DLG2: variants seen among roughly 807,000 people sequenced by gnomAD.
DLG2 encodes the protein disks large homolog 2.
Under a neutral mutation model 132.5 loss-of-function variants are expected in DLG2, and 45 were observed. That is an observed-to-expected ratio of 0.34 (90% CI 0.27 to 0.44). DLG2 has a LOEUF of 0.44. Ranked by LOEUF, DLG2 falls within the 20% of genes least tolerant of loss-of-function variation. The pLI is 1.00. For synonymous variants in DLG2, 424 were observed against 419.6 expected, an observed-to-expected ratio of 1.01 and a Z score of -0.13; for missense variants, 1,045 against 1,196.9, an observed-to-expected ratio of 0.87 and a Z score of 1.87.
chr11:83,940,207 A>C (rs2082335254), intron 14 of DLG2, among the ~76,000 whole-genome samples: 1 of 152,140 alleles, frequency 6.6e-6, no homozygotes, highest in Non-Finnish European at 1.5e-5. Flanking sequence ...CCACCCCTAA[A>C]CATTAGAAAG....
intron 6 of DLG2, among the ~76,000 whole-genome samples, chr11:84,795,909 G>A (rs1438894961): frequency 1.3e-5 from 2 of 152,142 alleles, no homozygotes; most frequent in Non-Finnish European, 2.9e-5. Flanking sequence ...CTGACACCTG[G>A]AGCTGCCCTC....
chr11:84,464,139 G>T (rs1010620854), intron 7 of DLG2, among the ~76,000 whole-genome samples: 3 of 151,192 alleles, frequency 2.0e-5, no homozygotes, highest in African/African-American at 4.8e-5. Context: ...TTACTGAGAA[G>T]CTACTATATA....
At chr11:84,151,775 T>C (rs928430705) in intron 9 of DLG2, among the ~76,000 whole-genome samples, 4 of 152,234 alleles carry the variant, frequency 2.6e-5, no homozygotes, top group African/African-American at 7.2e-5. Flanking sequence ...AAGAATTTTT[T>C]ATTTCTGCCT....
intron 6 of DLG2, among the ~76,000 whole-genome samples, chr11:85,110,971 G>C (rs1328144611): frequency 2.0e-5 from 3 of 152,052 alleles, no homozygotes; most frequent in Non-Finnish European, 4.4e-5. Flanking sequence ...ATTTCTATTA[G>C]GCAATCCATG....
intron 3 of DLG2, among the ~76,000 whole-genome samples, chr11:85,416,767 G>T (rs1436484905): frequency 6.6e-6 from 1 of 152,156 alleles, no homozygotes. Flanking sequence ...GTGTAGAAAT[G>T]CTTGTGATTT....
At chr11:84,089,813 T>C (rs1017417064) in intron 10 of DLG2, among the ~76,000 whole-genome samples, 3 of 152,190 alleles carry the variant, frequency 2.0e-5, no homozygotes, top group Non-Finnish European at 4.4e-5. Context: ...TGTCAGGAAA[T>C]TGGCAAGCAG....
At chr11:85,278,010 A>G (rs2077997078) in intron 4 of DLG2, among the ~76,000 whole-genome samples, 1 of 152,158 alleles carries the variant, frequency 6.6e-6, no homozygotes, top group Non-Finnish European at 1.5e-5. Flanking sequence ...TTTAAATGCT[A>G]TAGTATTGCA....
chr11:85,281,521 A>G (rs2078221746), intron 4 of DLG2, among the ~76,000 whole-genome samples: 1 of 152,060 alleles, frequency 6.6e-6, no homozygotes, highest in South Asian at 2.1e-4. Context: ...AATTTCTAAC[A>G]ACAGGATATT....
intron 7 of DLG2, among the ~76,000 whole-genome samples, chr11:84,255,020 G>C (rs1006427001): frequency 2.6e-5 from 4 of 152,116 alleles, no homozygotes; most frequent in Admixed American, 1.3e-4. Flanking sequence ...GCTACACCAG[G>C]CTCTCTGAAG....
chr11:84,821,507 G>C (rs1435765474), intron 6 of DLG2, among the ~76,000 whole-genome samples: 1 of 151,214 alleles, frequency 6.6e-6, no homozygotes, highest in Non-Finnish European at 1.5e-5. Context: ...TATTATTTTA[G>C]ATTGTTTTTC....
At chr11:84,310,032 G>C (rs1308665821) in intron 7 of DLG2, among the ~76,000 whole-genome samples, 2 of 152,130 alleles carry the variant, frequency 1.3e-5, no homozygotes, top group East Asian at 3.9e-4. Flanking sequence ...GCGATCTTCA[G>C]AGACCCAACT....
intron 6 of DLG2, among the ~76,000 whole-genome samples, chr11:84,802,976 T>C (rs1185243685): frequency 6.6e-6 from 1 of 152,088 alleles, no homozygotes; most frequent in Non-Finnish European, 1.5e-5. Flanking sequence ...ATTTTTTGTA[T>C]TTTTGGTAGA....
intron 18 of DLG2, among the ~76,000 whole-genome samples, chr11:83,648,444 G>A (rs529373462): frequency 1.2e-4 from 19 of 152,220 alleles, no homozygotes; most frequent in Non-Finnish European, 2.2e-4. Flanking sequence ...AGAAAGTGCA[G>A]GACAAAGGGT....
chr11:84,534,791 A>T (rs775075095), intron 6 of DLG2, 60 bp from the exon 7 acceptor site: 1 of 1,565,360 alleles, frequency 6.4e-7, no homozygotes, highest in Non-Finnish European at 8.8e-7. Flanking sequence ...AAGGATATAG[A>T]CTGAACTTCA....
intron 8 of DLG2, among the ~76,000 whole-genome samples, chr11:84,193,229 G>C (rs78937626): frequency 1.3e-5 from 2 of 152,154 alleles, no homozygotes; most frequent in Non-Finnish European, 2.9e-5. Context: ...AGCTTAGGAA[G>C]GGAACATTCA....
At chr11:83,743,380 GTCTCTT>G (rs1405648014) in intron 18 of DLG2, among the ~76,000 whole-genome samples, 1 of 144,006 alleles carries the variant, frequency 6.9e-6, no homozygotes, top group African/African-American at 2.7e-5. Flanking sequence ...TTATATCTCT[GTCTCTT>G]TCTCTCTCTT....
chr11:85,384,664 G>A (rs2086176574), intron 3 of DLG2, among the ~76,000 whole-genome samples: 1 of 152,272 alleles, frequency 6.6e-6, no homozygotes, highest in African/African-American at 2.4e-5. Context: ...CACCTCCTGG[G>A]TTCAAGTGAT....
At chr11:84,741,541 G>T (rs1301695441) in intron 6 of DLG2, among the ~76,000 whole-genome samples, 1 of 151,774 alleles carries the variant, frequency 6.6e-6, no homozygotes, top group African/African-American at 2.4e-5. Context: ...AGACCACTGA[G>T]ATACTCACAA....
chr11:84,712,268 AT>A (rs1425960548), intron 6 of DLG2, among the ~76,000 whole-genome samples: 1 of 151,882 alleles, frequency 6.6e-6, no homozygotes, highest in Non-Finnish European at 1.5e-5. Context: ...AACCCTCCTT[AT>A]TTTTTTATAT....
Sources: gnomAD v4.1 joint callset for allele counts (sites outside exome capture counted in the v4.1 genomes callset) on GRCh38, gnomAD v4.1.1 for gene constraint, MANE v1.5 for transcripts, NCBI Gene and HGNC (gene_info 2026-07-23, HGNC 2026-07-21) for gene names.